Variants in LCP2 observed in about 807,000 individuals in gnomAD.
LCP2 encodes 76 kDa tyrosine phosphoprotein.
A neutral mutation model predicts 74.5 loss-of-function variants in LCP2; 29 were observed. The observed-to-expected ratio is 0.39, with a 90% CI of 0.29 to 0.53. The LOEUF is 0.53. Among genes scored for constraint, LCP2 ranks in the 20% least tolerant of loss-of-function variants. The probability of loss-of-function intolerance (pLI) is 0.72; values close to 1 mark genes in which losing one functional copy is unlikely to be tolerated. For synonymous variants in LCP2, 228 were observed against 229.5 expected, an observed-to-expected ratio of 0.99 and a Z score of 0.06; for missense variants, 604 against 634.6, an observed-to-expected ratio of 0.95 and a Z score of 0.52.
intron 13 of LCP2, among the ~76,000 whole-genome samples, 190 bp from the exon 14 acceptor site, chr5:170,261,327 G>GC (rs1761646764): frequency 6.6e-6 from 1 of 151,972 alleles, no homozygotes; most frequent in Non-Finnish European, 1.5e-5. Context: ...TCCATGTTCT[G>GC]CCATCATTGC....
chr5:170,261,025 G>T, intron 14 of LCP2, 82 bp downstream of exon 14: 1 of 1,055,988 alleles, frequency 9.5e-7, no homozygotes. Context: ...CCAAGGCCAA[G>T]GTGGATGGAG....
intron 1 of LCP2, among the ~76,000 whole-genome samples, chr5:170,296,929 C>G (rs1213063272): frequency 6.6e-6 from 1 of 152,186 alleles, no homozygotes; most frequent in Non-Finnish European, 1.5e-5. Context: ...TGAGGACCCC[C>G]CTTAGGGTCG....
At chr5:170,284,835 C>A (rs147087667) in intron 3 of LCP2, among the ~76,000 whole-genome samples, 1 of 151,464 alleles carries the variant, frequency 6.6e-6, no homozygotes, top group Non-Finnish European at 1.5e-5. Flanking sequence ...ACTGCAGCCT[C>A]CACCTCCCAG....
At chr5:170,294,374 T>C (rs1762336730) in intron 1 of LCP2, among the ~76,000 whole-genome samples, 1 of 152,184 alleles carries the variant, frequency 6.6e-6, no homozygotes, top group Non-Finnish European at 1.5e-5. Context: ...ATTTTTAAGA[T>C]CTTGGTTATT....
Position 170,288,064 on chromosome 5 carries a change from G to T in LCP2, c.142-48C>A, listed in dbSNP as rs758614525. ...AGGCAGGTTACAACCCACAGAAAGG[G>T]CTCTGAGCAGGAGGGGAAGAGTGAT... On this transcript the variant is annotated intron_variant, in intron 2 of 20. Coordinates refer to ENST00000046794, the MANE Select transcript of LCP2 (RefSeq NM_005565.5). The T allele has an allele frequency of 3.8e-5, 59 of 1,567,226 alleles. 1 individual carries two copies. In the South Asian group the frequency reaches 6.4e-4, roughly 17 times the overall value.
chr5:170,253,940 T>A (rs955073649), intron 17 of LCP2, among the ~76,000 whole-genome samples: 1 of 152,236 alleles, frequency 6.6e-6, no homozygotes, highest in Non-Finnish European at 1.5e-5. Flanking sequence ...GGTTTAGTTG[T>A]GTTTATTGCA....
At chr5:170,259,785 C>A (rs1761620718) in intron 14 of LCP2, among the ~76,000 whole-genome samples, 1 of 152,098 alleles carries the variant, frequency 6.6e-6, no homozygotes, top group African/African-American at 2.4e-5. Flanking sequence ...ACTGGGAGTC[C>A]CAGCAAAGAG....
In LCP2 at chr5:170,270,909, G is replaced by T. The variant is rs377523928; in HGVS notation, c.333C>A (p.Asp111Glu). Residue 111 changes from aspartate (D) to glutamate (E), a missense_variant, in exon 7 of 21, where the codon GAC becomes GAA. Physicochemically the swap from Asp to Glu is conservative, Grantham distance 45 (BLOSUM62 2). Transcript: ENST00000046794. ...GGTCATCATTGGGACTTTCATAATC[G>T]TCTTCTTCCTGCCCACACAGTGATA... ...DNGGWSSFEE[D>E]DYESPNDDQD... 4 of 1,611,550 alleles carry T rather than the reference G, an allele frequency of 2.5e-6. No homozygotes were observed. The highest frequency in any genetic ancestry group is 2.5e-6 in the Non-Finnish European group (3 of 1,178,864).
chr5:170,293,722 G>A (rs17072430), intron 1 of LCP2, among the ~76,000 whole-genome samples: 9,360 of 152,226 alleles, frequency 0.061, 316 homozygotes, highest in Middle Eastern at 0.088. Flanking sequence ...AGACGACCTC[G>A]GTGTTTCTTT....
intron 6 of LCP2, among the ~76,000 whole-genome samples, chr5:170,272,769 C>T (rs199559433): frequency 6.6e-5 from 10 of 151,430 alleles, no homozygotes; most frequent in South Asian, 2.1e-4. Flanking sequence ...CGCACCACCA[C>T]GCCCAGCTAA....
intron 5 of LCP2, 53 bp downstream of exon 5, chr5:170,275,267 T>G: frequency 6.2e-7 from 1 of 1,603,502 alleles, no homozygotes; most frequent in Non-Finnish European, 8.5e-7. Context: ...GCAAGAAAAC[T>G]GAAATACCTA....
chr5:170,282,067 T>A (rs1762114827), intron 3 of LCP2, among the ~76,000 whole-genome samples: 1 of 152,168 alleles, frequency 6.6e-6, no homozygotes, highest in South Asian at 2.1e-4. Context: ...TCTTTAAAAA[T>A]CCTCCACCTT....
At chr5:170,296,987 C>G (rs1484986018) in intron 1 of LCP2, among the ~76,000 whole-genome samples, 1 of 152,224 alleles carries the variant, frequency 6.6e-6, no homozygotes, top group Admixed American at 6.5e-5. Context: ...TCATCATAGT[C>G]CTCTATCCAG....
chr5:170,252,606 A>T, intron 18 of LCP2, 95 bp from the exon 19 acceptor site: 1 of 636,706 alleles, frequency 1.6e-6, no homozygotes, highest in Non-Finnish European at 2.8e-6. Context: ...ATAAATCAAC[A>T]CCTCAATTCC....
intron 14 of LCP2, 116 bp downstream of exon 14, chr5:170,260,991 G>A: frequency 1.3e-6 from 1 of 750,600 alleles, no homozygotes; most frequent in East Asian, 2.6e-5. Context: ...ACCCCTGGGT[G>A]CAGGACCTGC....
At chr5:170,257,933 A>T in intron 16 of LCP2, 104 bp downstream of exon 16, 1 of 1,295,386 alleles carries the variant, frequency 7.7e-7, no homozygotes, top group Admixed American at 1.8e-5. Flanking sequence ...AGACCCTACT[A>T]TCTACCCGTC....
intron 5 of LCP2, among the ~76,000 whole-genome samples, chr5:170,274,976 C>CAAA (rs57336424): frequency 4.6e-5 from 3 of 65,544 alleles, no homozygotes; most frequent in African/African-American, 4.3e-5. Flanking sequence ...GACTCTGTCT[C>CAAA]AAAAAAAAAA....
intron 7 of LCP2, among the ~76,000 whole-genome samples, chr5:170,269,364 T>C (rs774279070): frequency 6.6e-6 from 1 of 152,194 alleles, no homozygotes; most frequent in African/African-American, 2.4e-5. Flanking sequence ...GGTGCCTCTC[T>C]TGCCCGACTC....
At chr5:170,295,821 A>G (rs1762369390) in intron 1 of LCP2, among the ~76,000 whole-genome samples, 1 of 152,100 alleles carries the variant, frequency 6.6e-6, no homozygotes, top group Non-Finnish European at 1.5e-5. Flanking sequence ...CCCTCAGTCC[A>G]TTTATGGCAG....
Sources: gnomAD v4.1 joint callset for allele counts (sites outside exome capture counted in the v4.1 genomes callset) on GRCh38, gnomAD v4.1.1 for gene constraint, MANE v1.5 for transcripts, NCBI Gene and HGNC (gene_info 2026-07-23, HGNC 2026-07-21) for gene names.